Variants in NBEAL1 observed in about 807,000 individuals in gnomAD.
The protein encoded by NBEAL1 is neurobeachin like 1.
NBEAL1 carries 273 observed loss-of-function variants against 351.3 expected under a neutral mutation model. That is an observed-to-expected ratio of 0.78 (90% CI 0.70 to 0.86). NBEAL1 has a LOEUF of 0.86. NBEAL1 is among the 40% of genes least tolerant of loss of function. NBEAL1 has a pLI of 0.00. For synonymous variants in NBEAL1, 1,050 were observed against 1,086.4 expected (o/e 0.97, Z 0.66); for missense variants, 2,961 against 3,201.3 (o/e 0.92, Z 1.81).
chr2:203,076,732 C>G (rs1574936897), intron 7 of NBEAL1, among the ~76,000 whole-genome samples: 1 of 151,316 alleles, frequency 6.6e-6, no homozygotes, highest in East Asian at 2.0e-4. Flanking sequence ...GCTGGGATTA[C>G]AGGTGCCCGC....
chr2:203,125,334 T>G lies in NBEAL1; in HGVS notation c.2683-18T>G. 6.9e-7 allele frequency: 1 copy of G among 1,453,606 alleles called. No individual in the cohort carries two copies. The highest frequency in any genetic ancestry group is 9.1e-7 in the Non-Finnish European group (1 of 1,097,720). 90.0% of individuals were successfully genotyped at this position (1,453,606 alleles called of 1,614,324 possible). A position where few individuals can be genotyped will look rare whatever the true frequency, so the allele number is the denominator to read the frequency against. On this transcript the variant is annotated intron_variant, in intron 19 of 55. Transcript: ENST00000683969. The stretch of plus-strand genomic sequence containing the variant: ...GTCCTCCTTTTATAAGATTTAAACA[T>G]TATAATTTTCCCTTTAGGATATCAT...
At chr2:203,124,560 A>G (rs1046050572) in intron 19 of NBEAL1, among the ~76,000 whole-genome samples, 4 of 152,216 alleles carry the variant, frequency 2.6e-5, no homozygotes, top group South Asian at 2.1e-4. Context: ...GTATCCTACA[A>G]CATTATTTTG....
rs563706111 is a variant in NBEAL1 at position 203,166,155 on chromosome 2, G to A, written c.5721G>A (p.Glu1907=). ...TGGCTTCTTGTTTTTACAGTGATGA[G>A]AAAGAAGAACAGGATCAAAAAGAAA... ...EDITARVNVD[E]KEEQDQKEKL... The change falls in exon 37 of 56, where the codon GAG becomes GAA. Residue 1907 remains glutamate, a synonymous_variant. Coordinates refer to ENST00000683969, the MANE Select transcript of NBEAL1 (RefSeq NM_001378026.1). 1.9e-6 allele frequency: 3 copies of A among 1,563,634 alleles called. No individual in the cohort carries two copies. The highest frequency in any genetic ancestry group is 2.8e-5 in the African/African-American group (2 of 71,796).
Position 203,016,430 on chromosome 2 carries a change from A to G in NBEAL1, c.46A>G (p.Thr16Ala), listed in dbSNP as rs1027006449. The change falls in exon 2 of 56, where the codon ACA (threonine) becomes GCA (alanine). Residue 16 changes from threonine to alanine, a missense_variant. Transcript: ENST00000683969. ...CTTTGAACTTTGGATGCTTTATTGT[A>G]CAAAGGTAATTGCTTTCCTTTTTAT... is the stretch of plus-strand genomic sequence containing the variant. ...RLFELWMLYC[T>A]KKDPDYLKLW... The G allele has an allele frequency of 1.4e-6, 2 of 1,465,852 alleles. No individual in the cohort carries two copies. 90.8% of individuals were successfully genotyped at this position (1,465,852 alleles called of 1,614,324 possible).
At chr2:203,099,749 A>C in intron 12 of NBEAL1, 37 bp downstream of exon 12, 1 of 1,348,724 alleles carries the variant, frequency 7.4e-7, no homozygotes. Context: ...TTTTTTTCTT[A>C]ACTTTTATTT....
At chr2:203,100,548 C>CTTT (rs201429973) in intron 12 of NBEAL1, among the ~76,000 whole-genome samples, 2 of 137,292 alleles carry the variant, frequency 1.5e-5, no homozygotes, top group Non-Finnish European at 1.6e-5. Flanking sequence ...GTTTTCTTTT[C>CTTT]TTTTTTTTTT....
chr2:203,097,749 A>G (rs555552861), intron 11 of NBEAL1, 116 bp downstream of exon 11: 25 of 233,420 alleles, frequency 1.1e-4, no homozygotes, highest in Admixed American at 1.9e-4. Flanking sequence ...TCAAATTCTA[A>G]TATTTATTAA....
intron 2 of NBEAL1, chr2:203,040,273 C>T: frequency 8.7e-6 from 7 of 808,582 alleles, no homozygotes; most frequent in Non-Finnish European, 1.5e-5. Flanking sequence ...GGAATCATTC[C>T]TACATGATTC....
intron 55 of NBEAL1, among the ~76,000 whole-genome samples, chr2:203,215,603 G>A (rs772187553): frequency 1.7e-4 from 26 of 151,866 alleles, no homozygotes; most frequent in Non-Finnish European, 3.1e-4. Context: ...CAGGAGAATC[G>A]CTTGAACCCA....
At chr2:203,153,541 C>G (rs780439003) in intron 35 of NBEAL1, among the ~76,000 whole-genome samples, 2 of 152,124 alleles carry the variant, frequency 1.3e-5, no homozygotes, top group Non-Finnish European at 2.9e-5. Flanking sequence ...TAGAGTCTTA[C>G]ATTTTGAAAT....
Position 203,199,445 on chromosome 2 carries a change from A to AAAGTAAGT in NBEAL1, c.7238+1_7238+8dup. 2.0e-6 allele frequency: 3 copies of AAAGTAAGT among 1,533,056 alleles called. No individual in the cohort carries two copies. Among genetic ancestry groups the AAAGTAAGT allele is most frequent in the Non-Finnish European group, 2.7e-6 (3 of 1,108,614 alleles). 95.0% of individuals were successfully genotyped at this position (1,533,056 alleles called of 1,614,324 possible). A position where few individuals can be genotyped will look rare whatever the true frequency, so the allele number is the denominator to read the frequency against. On this transcript the variant is annotated stop_gained and frameshift_variant and splice_region_variant, in exon 49 of 56. Coordinates refer to ENST00000683969, the MANE Select transcript of NBEAL1 (RefSeq NM_001378026.1). LOFTEE classifies it high-confidence loss of function. ...TCAAGGATCAAACTGTGACAAATCC[A>AAAGTAAGT]AAGTAAGTAAATGAATATGTAAAGC...
At chr2:203,032,187 A>G (rs1161478524) in intron 2 of NBEAL1, among the ~76,000 whole-genome samples, 1 of 152,120 alleles carries the variant, frequency 6.6e-6, no homozygotes, top group East Asian at 1.9e-4. Flanking sequence ...CTGTGTCCTT[A>G]GTTGGCATGT....
chr2:203,077,926 A>G, intron 8 of NBEAL1, 89 bp downstream of exon 8: 1 of 628,630 alleles, frequency 1.6e-6, no homozygotes, highest in Non-Finnish European at 2.4e-6. Flanking sequence ...TTGTCTTTTT[A>G]TAATTTCATT....
At position 203,096,915 on chromosome 2, in the gene NBEAL1, C is replaced by G. The variant is rs6754438; in HGVS notation, c.1099-632C>G. Reference sequence around the variant, plus strand: ...TATCTTTGGTTTGTGTCAGTAACAGCTTTCCTTCTTTTTTGTGTGTATTAG... The same window carrying G: ...TATCTTTGGTTTGTGTCAGTAACAGGTTTCCTTCTTTTTTGTGTGTATTAG... On this transcript the variant is annotated intron_variant, in intron 10 of 55. Coordinates refer to ENST00000683969, the MANE Select transcript of NBEAL1 (RefSeq NM_001378026.1). Among the ~76,000 whole-genome samples, 1,370 of 152,214 alleles carry G rather than the reference C, an allele frequency of 9.0e-3. 22 individuals are homozygous for G. The highest frequency in any genetic ancestry group is 0.032 in the African/African-American group (1,324 of 41,536).
At chr2:203,208,248 C>T (rs186920742) in intron 51 of NBEAL1, among the ~76,000 whole-genome samples, 49 of 151,768 alleles carry the variant, frequency 3.2e-4, no homozygotes, top group African/African-American at 8.9e-4. Flanking sequence ...TTCATGCCAC[C>T]GCACTCCAGC....
rs2061788008 is a variant in NBEAL1 at position 203,077,079 on chromosome 2, AG to A, written c.599-671del. ...TAAATTATTTTATTTTATTTTTTAG[AG>A]GCTATACATGCATATGACAAAGAAA... On this transcript the variant is annotated intron_variant, in intron 7 of 55. Coordinates refer to ENST00000683969, the MANE Select transcript of NBEAL1 (RefSeq NM_001378026.1). Among the ~76,000 whole-genome samples, 3 of 152,022 alleles carry A rather than the reference AG, an allele frequency of 2.0e-5. No individual in the cohort carries two copies. The South Asian group carries it at 6.2e-4, about 32-fold the overall frequency.
At position 203,136,208 on chromosome 2, in the gene NBEAL1, G is replaced by T; in HGVS notation, c.4345G>T (p.Asp1449Tyr). The T allele has an allele frequency of 1.2e-6, 2 of 1,607,472 alleles. No homozygotes were observed. The highest frequency in any genetic ancestry group is 1.7e-6 in the Non-Finnish European group (2 of 1,178,300). Residue 1449 changes from aspartate (D) to tyrosine (Y), a missense_variant, in exon 28 of 56, where the codon GAT (aspartate) becomes TAT (tyrosine). Physicochemically the swap from Asp to Tyr is radical, Grantham distance 160 (BLOSUM62 -3). Transcript: ENST00000683969. ...TGACAGAGAAAGCAGCATCACAAAT[G>T]ATATGGGCTTTAGTGATGACTTCTC... ...HSDRESSITN[D>Y]MGFSDDFSLL...
intron 12 of NBEAL1, among the ~76,000 whole-genome samples, chr2:203,101,147 T>C (rs1309447359): frequency 6.6e-6 from 1 of 151,890 alleles, no homozygotes; most frequent in African/African-American, 2.4e-5. Flanking sequence ...TATTTTACAT[T>C]TAAGTCTAAT....
At position 203,201,687 on chromosome 2, in the gene NBEAL1, A is replaced by G. The variant is rs2065403542; in HGVS notation, c.7383A>G (p.Lys2461=). The part of the protein sequence containing the change: ...SIQVMSLTKG[K]IISHIIRHMD... ...AAGTGATGTCACTTACAAAAGGCAA[A>G]ATTATCTCACACATCATCCGGCATA... The change falls in exon 50 of 56, where the codon AAA becomes AAG. Residue 2461 remains lysine (K), a synonymous_variant. Transcript: ENST00000683969. The G allele has an allele frequency of 6.2e-7, 1 of 1,605,290 alleles. No individual in the cohort carries two copies. The highest frequency in any genetic ancestry group is 1.7e-5 in the Admixed American group (1 of 58,840).
Sources: gnomAD v4.1 joint callset for allele counts (sites outside exome capture counted in the v4.1 genomes callset) on GRCh38, gnomAD v4.1.1 for gene constraint, MANE v1.5 for transcripts, NCBI Gene and HGNC (gene_info 2026-07-23, HGNC 2026-07-21) for gene names.